LPAR3: variants seen among roughly 807,000 people sequenced by gnomAD.
The protein encoded by LPAR3 is LPA receptor 3.
A neutral mutation model predicts 17.8 loss-of-function variants in LPAR3; 7 were observed. The ratio of observed to expected loss-of-function variants is 0.39; its 90% confidence interval spans 0.22 to 0.74. The LOEUF is 0.74. Among genes scored for constraint, LPAR3 ranks in the 30% least tolerant of loss-of-function variants. The probability of loss-of-function intolerance (pLI) is 0.40; values close to 1 mark genes in which losing one functional copy is unlikely to be tolerated. For synonymous variants in LPAR3, 179 were observed against 179.9 expected, an observed-to-expected ratio of 0.99 and a Z score of 0.04; for missense variants, 391 against 453.4, an observed-to-expected ratio of 0.86 and a Z score of 1.25.
intron 2 of LPAR3, among the ~76,000 whole-genome samples, chr1:84,860,618 T>C (rs890610643): frequency 4.6e-5 from 7 of 152,142 alleles, no homozygotes; most frequent in African/African-American, 1.7e-4. Flanking sequence ...TTAAGCTCAC[T>C]GAATTCATGC....
At position 84,865,499 on chromosome 1, in the gene LPAR3, G is replaced by A. The variant is rs376417362; in HGVS notation, c.622C>T (p.Arg208Trp). 8.7e-6 allele frequency: 14 copies of A among 1,614,034 alleles called. No individual in the cohort carries two copies. Among genetic ancestry groups the A allele is most frequent in the South Asian group, 4.4e-5 (4 of 91,080 alleles). The change falls in exon 2 of 3, where the codon CGG (arginine) becomes TGG (tryptophan). Residue 208 changes from arginine to tryptophan, a missense_variant. Arg to Trp is a moderately radical substitution (Grantham distance 101). Transcript: ENST00000370611. ...AFLIMVVVYL[R>W]IYVYVKRKTN... ...TTCCTCTTGACGTACACGTAGATCC[G>A]CAGGTACACCACAACCATGATGAGG...
At chr1:84,836,118 C>T (rs1305266381) in intron 2 of LPAR3, among the ~76,000 whole-genome samples, 1 of 142,260 alleles carries the variant, frequency 7.0e-6, no homozygotes, top group Admixed American at 7.4e-5. Context: ...GGGCAAACTG[C>T]TTGAGCCCAG....
intron 2 of LPAR3, among the ~76,000 whole-genome samples, chr1:84,826,901 T>G (rs1659166872): frequency 6.6e-6 from 1 of 152,220 alleles, no homozygotes; most frequent in African/African-American, 2.4e-5. Context: ...CTACTCCTGT[T>G]GCCATTTTGG....
chr1:84,886,634 A>G (rs1430655658), intron 1 of LPAR3, among the ~76,000 whole-genome samples: 1 of 152,200 alleles, frequency 6.6e-6, no homozygotes, highest in Non-Finnish European at 1.5e-5. Flanking sequence ...GGGCATGTCA[A>G]TTTGCTTGAC....
rs1053405563 is a variant in LPAR3 at position 84,874,962 on chromosome 1, C to A, written c.-18-8824G>T. ...TCACCCAGGCTGGAGTGCAGTGGTA[C>A]GATCTTGGCTCACTGCAACCTCCAC... On this transcript the variant is annotated intron_variant, in intron 1 of 2. Transcript: ENST00000370611. 1.1e-4 allele frequency among the ~76,000 whole-genome samples: 16 copies of A among 149,374 alleles called. 1 individual carries two copies. The highest frequency in any genetic ancestry group is 4.0e-4 in the African/African-American group (16 of 40,422).
chr1:84,843,159 G>A (rs1224930534), intron 2 of LPAR3, among the ~76,000 whole-genome samples: 1 of 152,178 alleles, frequency 6.6e-6, no homozygotes, highest in Non-Finnish European at 1.5e-5. Context: ...CTGGCCTGCA[G>A]AAAATCTAAC....
chr1:84,819,509 T>C (rs189421783), intron 2 of LPAR3, among the ~76,000 whole-genome samples: 246 of 152,262 alleles, frequency 1.6e-3, no homozygotes, highest in Middle Eastern at 0.014. Context: ...AACCTATTTC[T>C]CCATGCTGAC....
intron 2 of LPAR3, among the ~76,000 whole-genome samples, chr1:84,852,565 C>T (rs144034970): frequency 3.0e-4 from 46 of 152,138 alleles, no homozygotes; most frequent in African/African-American, 8.4e-4. Context: ...CAGGTGTGCA[C>T]GTGACAGCAG....
rs140866508 is a variant in LPAR3, at chr1:84,856,217, A to T, written c.736+9168T>A. Among the ~76,000 whole-genome samples, 431 of 152,242 alleles carry T rather than the reference A, an allele frequency of 2.8e-3. 1 individual carries two copies. Among genetic ancestry groups the T allele is most frequent in the African/African-American group, 0.01 (416 of 41,532 alleles). ...GGTGCTCCTGGGACTAGCCATTTCA[A>T]GACAAAAGTACGAACACCCCCGGAC... On this transcript the variant is annotated intron_variant, in intron 2 of 2. Coordinates refer to ENST00000370611, the MANE Select transcript of LPAR3 (RefSeq NM_012152.3).
chr1:84,887,808 C>A (rs1660487488), intron 1 of LPAR3, among the ~76,000 whole-genome samples: 1 of 152,078 alleles, frequency 6.6e-6, no homozygotes, highest in Admixed American at 6.5e-5. Flanking sequence ...GCATGTAGGA[C>A]CTATACAACT....
chr1:84,859,020 G>T (rs1040059838), intron 2 of LPAR3, among the ~76,000 whole-genome samples: 1 of 152,172 alleles, frequency 6.6e-6, no homozygotes, highest in Admixed American at 6.5e-5. Flanking sequence ...GAGACAAAAT[G>T]GGGGAAGCGC....
intron 2 of LPAR3, among the ~76,000 whole-genome samples, chr1:84,856,935 C>T (rs972452112): frequency 6.6e-6 from 1 of 152,122 alleles, no homozygotes; most frequent in East Asian, 1.9e-4. Context: ...AACAGAATTT[C>T]GTAGGGGAGA....
intron 2 of LPAR3, among the ~76,000 whole-genome samples, chr1:84,827,718 G>A (rs946674813): frequency 4.6e-5 from 7 of 152,162 alleles, no homozygotes; most frequent in Non-Finnish European, 8.8e-5. Context: ...GGTAAGAACT[G>A]CAACTAAATA....
chr1:84,885,036 T>C (rs1314090974), intron 1 of LPAR3, among the ~76,000 whole-genome samples: 1 of 152,232 alleles, frequency 6.6e-6, no homozygotes, highest in Non-Finnish European at 1.5e-5. Context: ...AGGAAACTCA[T>C]TATCTAGAGC....
At position 84,816,131 on chromosome 1, in the gene LPAR3, A is replaced by G. The variant is rs115658560; in HGVS notation, c.737-1960T>C. On this transcript the variant is annotated intron_variant, in intron 2 of 2. Transcript: ENST00000370611. ...GAACTTGTTAGTGGGTGTGCAATCA[A>G]TGTGACAGATTCAGACTGGTTTTTT... Among the ~76,000 whole-genome samples the G allele has an allele frequency of 2.9e-3, 449 of 152,286 alleles. 3 individuals are homozygous for G. The highest frequency in any genetic ancestry group is 0.01 in the Middle Eastern group (3 of 294).
chr1:84,877,873 T>G (rs1035100048), intron 1 of LPAR3, among the ~76,000 whole-genome samples: 1 of 152,160 alleles, frequency 6.6e-6, no homozygotes, highest in Non-Finnish European at 1.5e-5. Context: ...ATGTAGTAAG[T>G]AGATGCACAA....
chr1:84,836,484 T>C (rs1488576377), intron 2 of LPAR3, among the ~76,000 whole-genome samples: 1 of 152,186 alleles, frequency 6.6e-6, no homozygotes, highest in African/African-American at 2.4e-5. Context: ...CTTCTGAATG[T>C]GGTTAGAAAA....
chr1:84,812,200 T>C lies in LPAR3; in HGVS notation c.*1646A>G, dbSNP rs1342178753. ...TCTATATGGAAGGGATTCAGCCTGC[T>C]CTTCAATACAGCTTTTACTCTGATG... On this transcript the variant is annotated 3_prime_UTR_variant, in exon 3 of 3. Coordinates refer to ENST00000370611, the MANE Select transcript of LPAR3 (RefSeq NM_012152.3). The C allele has an allele frequency of 1.3e-5, 2 of 152,224 alleles. No individual in the cohort carries two copies. Among genetic ancestry groups the C allele is most frequent in the Non-Finnish European group, 2.9e-5 (2 of 68,042 alleles). The allele number at this position is 152,224 out of a possible 1,614,324, so 9.4% of individuals were successfully genotyped here. A position where few individuals can be genotyped will look rare whatever the true frequency, so the allele number is the denominator to read the frequency against.
chr1:84,842,950 C>G (rs965463694), intron 2 of LPAR3, among the ~76,000 whole-genome samples: 1 of 152,204 alleles, frequency 6.6e-6, no homozygotes, highest in Non-Finnish European at 1.5e-5. Context: ...GAAAGCCACC[C>G]AATAAGCAGT....
Sources: gnomAD v4.1 joint callset for allele counts (sites outside exome capture counted in the v4.1 genomes callset) on GRCh38, gnomAD v4.1.1 for gene constraint, MANE v1.5 for transcripts, NCBI Gene and HGNC (gene_info 2026-07-23, HGNC 2026-07-21) for gene names.